NAA15: variants seen among roughly 807,000 people sequenced by gnomAD.
NAA15 encodes the protein N-alpha-acetyltransferase 15, NatA auxiliary subunit.
A neutral mutation model predicts 114.0 loss-of-function variants in NAA15; 34 were observed. The observed-to-expected ratio is 0.30, with a 90% CI of 0.23 to 0.40. NAA15 has a LOEUF of 0.40. Among genes scored for constraint, NAA15 ranks in the 10% least tolerant of loss-of-function variants. The probability of loss-of-function intolerance (pLI) is 1.00; values close to 1 mark genes in which losing one functional copy is unlikely to be tolerated. For missense variants in NAA15, 658 were observed against 1,004.5 expected (o/e 0.66, Z 4.66); for synonymous variants, 340 against 338.0 (o/e 1.01, Z -0.06).
At chr4:139,357,316 G>A (rs1747989040) in intron 10 of NAA15, 70 bp from the exon 11 acceptor site, 1 of 1,338,506 alleles carries the variant, frequency 7.5e-7, no homozygotes, top group Non-Finnish European at 1.1e-6. Context: ...ATAAACATAG[G>A]GACCATTTTG....
chr4:139,340,064 G>A (rs1263246011), intron 3 of NAA15, among the ~76,000 whole-genome samples: 1 of 152,192 alleles, frequency 6.6e-6, no homozygotes, highest in Non-Finnish European at 1.5e-5. Flanking sequence ...GCTTATGCCT[G>A]TAATCCCCGC....
intron 14 of NAA15, among the ~76,000 whole-genome samples, chr4:139,364,251 CT>C (rs1285621945): frequency 2.6e-5 from 4 of 152,006 alleles, no homozygotes; most frequent in African/African-American, 9.7e-5. Context: ...AGATGAGTAT[CT>C]TTCATTATAT....
At chr4:139,328,868 CT>C (rs912299069) in intron 1 of NAA15, among the ~76,000 whole-genome samples, 59 of 133,784 alleles carry the variant, frequency 4.4e-4, no homozygotes, top group African/African-American at 5.5e-4. Flanking sequence ...GCCCGGCCTT[CT>C]TTTTTTTTTT....
At chr4:139,310,261 T>C (rs940855869) in intron 1 of NAA15, among the ~76,000 whole-genome samples, 5 of 151,722 alleles carry the variant, frequency 3.3e-5, no homozygotes, top group African/African-American at 7.3e-5. Flanking sequence ...GAGACCATCC[T>C]GGCTAAAACG....
chr4:139,377,169 T>C (rs1441535293), intron 16 of NAA15, among the ~76,000 whole-genome samples: 1 of 152,178 alleles, frequency 6.6e-6, no homozygotes, highest in East Asian at 1.9e-4. Flanking sequence ...AAAGAGAAGG[T>C]TGTTGCTCTA....
chr4:139,351,719 A>C, intron 9 of NAA15, 108 bp downstream of exon 9: 14 of 560,574 alleles, frequency 2.5e-5, no homozygotes, highest in Non-Finnish European at 3.5e-5. Context: ...TGTGAATCTC[A>C]TGTCAGTCTT....
At chr4:139,386,074 G>T in intron 18 of NAA15, 59 bp from the exon 19 acceptor site, 1 of 846,094 alleles carries the variant, frequency 1.2e-6, no homozygotes, top group Non-Finnish European at 1.9e-6. Flanking sequence ...ATTTAAATAA[G>T]TAGAGGATAA....
chr4:139,384,836 G>T lies in NAA15; in HGVS notation c.2160G>T (p.Val720=). 7.0e-7 allele frequency: 1 copy of T among 1,438,194 alleles called. No individual in the cohort carries two copies. The highest frequency in any genetic ancestry group is 9.3e-7 in the Non-Finnish European group (1 of 1,077,980). The allele number at this position is 1,438,194 out of a possible 1,614,324, so 89.1% of individuals were successfully genotyped here. Residue 720 remains valine, a synonymous_variant, in exon 18 of 20, where the codon GTG becomes GTT. Coordinates refer to ENST00000296543, the MANE Select transcript of NAA15 (RefSeq NM_057175.5). ...TTTTATTTTTAATTTATTCAGCAGT[G>T]TGTGAAAGTAAAGATTTATCTGATA... is the stretch of plus-strand genomic sequence containing the variant. The part of the protein sequence containing the change: ...ECMIRLFNTA[V]CESKDLSDTV...
chr4:139,340,970 G>A lies in NAA15; in HGVS notation c.303G>A (p.Lys101=), dbSNP rs1747365444. 1 of 1,608,636 alleles carries A rather than the reference G, an allele frequency of 6.2e-7. No individual in the cohort carries two copies. The highest frequency in any genetic ancestry group is 1.3e-5 in the African/African-American group (1 of 74,690). The change falls in exon 4 of 20, where the codon AAG becomes AAA. Residue 101 remains lysine, a synonymous_variant. Coordinates refer to ENST00000296543, the MANE Select transcript of NAA15 (RefSeq NM_057175.5). ...RSDKKYDEAI[K]CYRNALKWDK... is the part of the protein sequence containing the mutation. The stretch of plus-strand genomic sequence containing the variant: ...ACAAGAAGTATGATGAAGCCATTAA[G>A]TGTTACAGAAATGCACTAAAATGGG...
chr4:139,335,339 G>A (rs1427271606), intron 2 of NAA15, among the ~76,000 whole-genome samples: 2 of 152,060 alleles, frequency 1.3e-5, no homozygotes, highest in Non-Finnish European at 2.9e-5. Context: ...TTTCTGAAAT[G>A]CAGTTTTCCC....
chr4:139,301,664 G>A lies in NAA15; in HGVS notation c.-114G>A. ...CGGCGACACCCGAGGCCTGGTGGTGGCGGCGGATCGAGATATTCAAGGCTG... is the reference window on the plus strand; with the variant it reads ...CGGCGACACCCGAGGCCTGGTGGTGACGGCGGATCGAGATATTCAAGGCTG... On this transcript the variant is annotated 5_prime_UTR_variant, in exon 1 of 20. Transcript: ENST00000296543. 1 of 1,246,000 alleles carries A rather than the reference G, an allele frequency of 8.0e-7. No homozygotes were observed. The highest frequency in any genetic ancestry group is 1.1e-6 in the Non-Finnish European group (1 of 895,174). 77.2% of individuals were successfully genotyped at this position (1,246,000 alleles called of 1,614,324 possible).
intron 1 of NAA15, among the ~76,000 whole-genome samples, chr4:139,315,801 T>C (rs1746391520): frequency 6.6e-6 from 1 of 151,820 alleles, no homozygotes. Context: ...ATTTTTATTT[T>C]TTACTTAAGA....
chr4:139,376,221 T>G lies in NAA15; in HGVS notation c.1948-144T>G, dbSNP rs1748576827. 5.3e-6 allele frequency: 3 copies of G among 568,658 alleles called. No homozygotes were observed. The East Asian group carries it at 9.1e-5, about 17-fold the overall frequency. The allele number at this position is 568,658 out of a possible 1,614,324, so 35.2% of individuals were successfully genotyped here. On this transcript the variant is annotated intron_variant, in intron 15 of 19. Coordinates refer to ENST00000296543, the MANE Select transcript of NAA15 (RefSeq NM_057175.5). ...AGAATTCAAAATCCCCTTTTTTAGG[T>G]TATAGGAGGTTAAAATATGACAGTG...
At position 139,354,037 on chromosome 4, in the gene NAA15, A is replaced by G. The variant is rs1396355585; in HGVS notation, c.1026A>G (p.Ile342Met). 1 of 1,613,458 alleles carries G rather than the reference A, an allele frequency of 6.2e-7. No homozygotes were observed. The highest frequency in any genetic ancestry group is 8.5e-7 in the Non-Finnish European group (1 of 1,179,556). ...LYKDKEKVAI[I>M]EELVVGYETS... is the part of the protein sequence containing the mutation. Reference sequence around the variant, plus strand: ...TGTTTGTACTCTAGGTGGCAATCATAGAAGAGTTAGTAGTAGGTTATGAAA... The same window carrying G: ...TGTTTGTACTCTAGGTGGCAATCATGGAAGAGTTAGTAGTAGGTTATGAAA... The change falls in exon 10 of 20, where the codon ATA becomes ATG. Residue 342 changes from isoleucine (I) to methionine (M), a missense_variant. Ile to Met is a conservative substitution (Grantham distance 10). Transcript: ENST00000296543.
chr4:139,331,135 G>C (rs183389342), intron 1 of NAA15, among the ~76,000 whole-genome samples: 13 of 152,102 alleles, frequency 8.5e-5, no homozygotes, highest in Admixed American at 2.0e-4. Context: ...TCATGTGAAA[G>C]CATATGTTGA....
intron 1 of NAA15, among the ~76,000 whole-genome samples, chr4:139,325,703 C>T (rs1376286585): frequency 1.3e-5 from 2 of 152,148 alleles, no homozygotes; most frequent in African/African-American, 4.8e-5. Context: ...GGTTGGAGTG[C>T]AGTGTTACCA....
intron 15 of NAA15, among the ~76,000 whole-genome samples, chr4:139,374,826 T>G (rs1476831258): frequency 6.6e-6 from 1 of 152,178 alleles, no homozygotes; most frequent in Non-Finnish European, 1.5e-5. Context: ...CCAGATCTCC[T>G]TTGGGGGAAT....
At chr4:139,368,304 C>T (rs1008245938) in intron 14 of NAA15, among the ~76,000 whole-genome samples, 4 of 152,160 alleles carry the variant, frequency 2.6e-5, no homozygotes, top group African/African-American at 7.2e-5. Flanking sequence ...TGGCTGGGCA[C>T]GGTGGTTCAT....
At chr4:139,308,197 C>A (rs763152389) in intron 1 of NAA15, among the ~76,000 whole-genome samples, 3 of 152,052 alleles carry the variant, frequency 2.0e-5, no homozygotes, top group Admixed American at 6.6e-5. Flanking sequence ...TCCTGACCTC[C>A]TGATCTGCCC....
Sources: gnomAD v4.1 joint callset for allele counts (sites outside exome capture counted in the v4.1 genomes callset) on GRCh38, gnomAD v4.1.1 for gene constraint, MANE v1.5 for transcripts, NCBI Gene and HGNC (gene_info 2026-07-23, HGNC 2026-07-21) for gene names.